The following GDPD4 variants were observed in gnomAD, a reference collection of about 807,000 sequenced individuals.
GDPD4 encodes the protein glycerophosphodiester phosphodiesterase 6.
In GDPD4, 60 loss-of-function variants were observed where a neutral mutation model predicts 67.8. The observed-to-expected ratio is 0.88, with a 90% CI of 0.72 to 1.10. GDPD4 has a LOEUF of 1.10. Among genes scored for constraint, GDPD4 ranks in the 50% least tolerant of loss-of-function variants. The pLI is 0.00. For missense variants in GDPD4, 623 were observed against 613.9 expected (o/e 1.01, Z -0.16); for synonymous variants, 212 against 210.9 (o/e 1.00, Z -0.04).
chr11:77,271,584 C>G (rs1959227646), intron 5 of GDPD4, among the ~76,000 whole-genome samples, 191 bp from the exon 6 acceptor site: 1 of 152,176 alleles, frequency 6.6e-6, no homozygotes, highest in Non-Finnish European at 1.5e-5. Flanking sequence ...TAATCATTCA[C>G]CTTCTTTGCT....
At chr11:77,222,734 C>T (rs1046386875) in intron 16 of GDPD4, among the ~76,000 whole-genome samples, 12 of 152,000 alleles carry the variant, frequency 7.9e-5, no homozygotes, top group African/African-American at 2.7e-4. Flanking sequence ...TTGAGGAGTA[C>T]CTTTGTGGTG....
At chr11:77,260,416 G>C (rs941424694) in intron 10 of GDPD4, among the ~76,000 whole-genome samples, 1 of 151,964 alleles carries the variant, frequency 6.6e-6, no homozygotes, top group East Asian at 1.9e-4. Context: ...CAAAAGAAAA[G>C]ACCAAACTAG....
At chr11:77,223,896 C>T (rs932762007) in intron 16 of GDPD4, among the ~76,000 whole-genome samples, 7 of 152,216 alleles carry the variant, frequency 4.6e-5, no homozygotes, top group Admixed American at 1.3e-4. Context: ...CAAGCCTCAG[C>T]AATGGCAGAC....
At chr11:77,300,533 TAAA>T (rs35584607) in intron 1 of GDPD4, among the ~76,000 whole-genome samples, 1 of 148,950 alleles carries the variant, frequency 6.7e-6, no homozygotes, top group Non-Finnish European at 1.5e-5. Flanking sequence ...ACACACCTCT[TAAA>T]AAAAAAACAG....
At chr11:77,224,347 C>G (rs1958285804) in intron 16 of GDPD4, 1 of 152,200 alleles carries the variant, frequency 6.6e-6, no homozygotes, top group South Asian at 2.1e-4. Context: ...GGATAGTTAC[C>G]TCTCTTGATT....
In GDPD4 at chr11:77,251,030, A is replaced by G. The variant is rs78832521; in HGVS notation, c.865-5528T>C. Among the ~76,000 whole-genome samples the G allele has an allele frequency of 1.7e-3, 256 of 152,130 alleles. 6 individuals carry two copies. The East Asian group carries it at 0.047, about 28-fold the overall frequency. On this transcript the variant is annotated intron_variant, in intron 11 of 16. Transcript: ENST00000315938. ...ATCTATCCCTTCACTTTCTGTCTGT[A>G]TGTGTCTTTACAGGCAAAGTGAGTT...
At position 77,271,384 on chromosome 11, in the gene GDPD4, G is replaced by C. The variant is rs1323214043; in HGVS notation, c.217C>G (p.Leu73Val). ...ATGACACACAGAAGAATCACTAGCA[G>C]AATCAGGATCTAGGGAAACAGAAAA... The part of the protein sequence containing the change: ...YLHLCHKILI[L>V]LVILLCVILM... The change falls in exon 6 of 17, where the codon CTG becomes GTG. Residue 73 changes from leucine to valine, a missense_variant. Physicochemically the swap from Leu to Val is conservative, Grantham distance 32. Transcript: ENST00000315938. 2 of 1,609,328 alleles carry C rather than the reference G, an allele frequency of 1.2e-6. No homozygotes were observed. Among genetic ancestry groups the C allele is most frequent in the Non-Finnish European group, 1.7e-6 (2 of 1,175,916 alleles).
At position 77,228,864 on chromosome 11, in the gene GDPD4, T is replaced by G. The variant is rs185625779; in HGVS notation, c.1472+286A>C. ...GATGGGAAGGTGGAGGCACTTGTTCTGGACAATATTCAAGCCCTGTCATCT... is the reference window on the plus strand; with the variant it reads ...GATGGGAAGGTGGAGGCACTTGTTCGGGACAATATTCAAGCCCTGTCATCT... On this transcript the variant is annotated intron_variant, in intron 15 of 16. Transcript: ENST00000315938. 2.6e-5 allele frequency among the ~76,000 whole-genome samples: 4 copies of G among 152,332 alleles called. No individual in the cohort carries two copies. In the East Asian group the frequency reaches 7.7e-4, roughly 29 times the overall value.
intron 16 of GDPD4, among the ~76,000 whole-genome samples, chr11:77,217,943 C>G (rs948064661): frequency 1.4e-4 from 21 of 152,158 alleles, no homozygotes; most frequent in African/African-American, 4.6e-4. Context: ...GAATCTAAAG[C>G]CCAGAACTCA....
intron 10 of GDPD4, among the ~76,000 whole-genome samples, chr11:77,258,982 GGTTTTT>G (rs748261428): frequency 3.3e-5 from 5 of 152,012 alleles, no homozygotes; most frequent in African/African-American, 4.8e-5. Flanking sequence ...TTGTTTGCTT[GGTTTTT>G]GTTTTTGTTT....
intron 1 of GDPD4, among the ~76,000 whole-genome samples, chr11:77,294,140 CATG>C (rs910318602): frequency 1.3e-5 from 2 of 152,056 alleles, no homozygotes; most frequent in African/African-American, 2.4e-5. Context: ...AACAGCAAAA[CATG>C]AATGGGAAAA....
intron 1 of GDPD4, among the ~76,000 whole-genome samples, chr11:77,296,510 C>T (rs906709526): frequency 6.6e-6 from 1 of 150,490 alleles, no homozygotes; most frequent in African/African-American, 2.4e-5. Context: ...TTAGTAGAAA[C>T]AGGGTTTCAC....
chr11:77,288,211 C>T (rs1222852138), intron 1 of GDPD4, among the ~76,000 whole-genome samples: 1 of 152,128 alleles, frequency 6.6e-6, no homozygotes, highest in African/African-American at 2.4e-5. Flanking sequence ...ACCTGGGAGA[C>T]CAAAGATTGG....
chr11:77,271,558 C>T (rs1442758877), intron 5 of GDPD4, among the ~76,000 whole-genome samples, 165 bp from the exon 6 acceptor site: 1 of 152,220 alleles, frequency 6.6e-6, no homozygotes, highest in Admixed American at 6.5e-5. Flanking sequence ...TGCAAATCCC[C>T]AGTATTAGAT....
At position 77,245,454 on chromosome 11, in the gene GDPD4, T is replaced by C. The variant is rs1397096537; in HGVS notation, c.913A>G (p.Arg305Gly). The part of the protein sequence containing the change: ...MKPLSEADKE[R>G]ARNQSIPTLA... ...GTTGGAATTGACTGATTTCTTGCTC[T>C]TTCTTTATCTGCCTCTGATAGAGGT... The change falls in exon 12 of 17, where the codon AGA becomes GGA. Residue 305 changes from arginine (R) to glycine (G), a missense_variant. Coordinates refer to ENST00000315938, the MANE Select transcript of GDPD4 (RefSeq NM_182833.3). The C allele has an allele frequency of 3.7e-6, 6 of 1,614,066 alleles. No individual in the cohort carries two copies. The Middle Eastern group carries it at 6.6e-4, about 178-fold the overall frequency.
At chr11:77,227,490 C>G (rs566758874) in intron 16 of GDPD4, among the ~76,000 whole-genome samples, 62 of 152,286 alleles carry the variant, frequency 4.1e-4, no homozygotes, top group African/African-American at 1.3e-3. Context: ...CTTTAAGGAC[C>G]AGCCCCTCCC....
rs201985226 is a variant in GDPD4, at chr11:77,221,439, T to TC, written c.1526-4126dup. 5.3e-3 allele frequency among the ~76,000 whole-genome samples: 791 copies of TC among 149,642 alleles called. 11 individuals carry two copies. Among genetic ancestry groups the TC allele is most frequent in the African/African-American group, 0.019 (745 of 38,984 alleles). ...AGATTCTGGTATGTTATGTCTTTTTTCTCATTGGTTTCAAAGACCATCTTT... is the reference window on the plus strand; with the variant it reads ...AGATTCTGGTATGTTATGTCTTTTTTCCTCATTGGTTTCAAAGACCATCTTT... On this transcript the variant is annotated intron_variant, in intron 16 of 16. Transcript: ENST00000315938.
At chr11:77,243,921 A>G in intron 12 of GDPD4, 73 bp from the exon 13 acceptor site, 1 of 1,015,844 alleles carries the variant, frequency 9.8e-7, no homozygotes, top group Non-Finnish European at 1.5e-6. Flanking sequence ...TAGAGAATGG[A>G]GGGAGCTCCA....
chr11:77,297,329 G>A (rs771943165), intron 1 of GDPD4, among the ~76,000 whole-genome samples: 1 of 151,494 alleles, frequency 6.6e-6, no homozygotes, highest in Non-Finnish European at 1.5e-5. Context: ...GGCGGATCAC[G>A]AGGTCAGGAG....
Sources: gnomAD v4.1 joint callset for allele counts (sites outside exome capture counted in the v4.1 genomes callset) on GRCh38, gnomAD v4.1.1 for gene constraint, MANE v1.5 for transcripts, NCBI Gene and HGNC (gene_info 2026-07-23, HGNC 2026-07-21) for gene names.